DLG4: variants seen among roughly 807,000 people sequenced by gnomAD.
DLG4 encodes discs large MAGUK scaffold protein 4.
A neutral mutation model predicts 93.8 loss-of-function variants in DLG4; 7 were observed. That is an observed-to-expected ratio of 0.07 (90% CI 0.04 to 0.14). The LOEUF is 0.14. DLG4 is among the 10% of genes least tolerant of loss of function. The pLI is 1.00. For missense variants in DLG4, 545 were observed against 992.9 expected, an observed-to-expected ratio of 0.55 and a Z score of 6.06; for synonymous variants, 341 against 387.6, an observed-to-expected ratio of 0.88 and a Z score of 1.41.
chr17:7,209,866 A>G (rs1412929833), intron 1 of DLG4, among the ~76,000 whole-genome samples: 1 of 152,130 alleles, frequency 6.6e-6, no homozygotes, highest in African/African-American at 2.4e-5. Flanking sequence ...ACATGGTGAA[A>G]TCCCATCTCT....
intron 2 of DLG4, among the ~76,000 whole-genome samples, chr17:7,207,766 T>C (rs1240059458): frequency 6.7e-6 from 1 of 150,104 alleles, no homozygotes; most frequent in South Asian, 2.1e-4. Flanking sequence ...CAGGCACGCA[T>C]GCATGCACAC....
At chr17:7,216,152 C>T (rs2070904629) in intron 1 of DLG4, among the ~76,000 whole-genome samples, 1 of 151,866 alleles carries the variant, frequency 6.6e-6, no homozygotes, top group African/African-American at 2.4e-5. Flanking sequence ...GGTCATAAGC[C>T]CTCAGGGACC....
chr17:7,203,389 G>T lies in DLG4; in HGVS notation c.505+35C>A, dbSNP rs771321711. 4.4e-6 allele frequency: 7 copies of T among 1,594,664 alleles called. No individual in the cohort carries two copies. The East Asian group carries it at 1.6e-4, about 36-fold the overall frequency. Reference sequence around the variant, plus strand: ...GAAGCAGGCTTGGGGGCACAGGACAGTTGGGATGGGGGTGGGAACAAAATG... The same window carrying T: ...GAAGCAGGCTTGGGGGCACAGGACATTTGGGATGGGGGTGGGAACAAAATG... On this transcript the variant is annotated intron_variant, in intron 6 of 19. Coordinates refer to ENST00000399506, the MANE Select transcript of DLG4 (RefSeq NM_001321075.3). The surrounding 1 kb of genome is among the most constrained non-coding windows in gnomAD (Gnocchi z 7.2).
chr17:7,190,622 G>T lies in DLG4; in HGVS notation c.*86C>A. The T allele has an allele frequency of 9.4e-7, 1 of 1,063,006 alleles. No individual in the cohort carries two copies. 65.8% of individuals were successfully genotyped at this position (1,063,006 alleles called of 1,614,324 possible). A position where few individuals can be genotyped will look rare whatever the true frequency, so the allele number is the denominator to read the frequency against. The stretch of plus-strand genomic sequence containing the variant: ...AAGAAGGGGTGGGAGGGAGGCCGGG[G>T]GGAGCCAAGGGCTTGGGCAATTCAG... On this transcript the variant is annotated 3_prime_UTR_variant, in exon 20 of 20. Coordinates refer to ENST00000399506, the MANE Select transcript of DLG4 (RefSeq NM_001321075.3).
At chr17:7,207,971 T>A in intron 2 of DLG4, 74 of 683,616 alleles carry the variant, frequency 1.1e-4, no homozygotes, top group East Asian at 2.2e-4. Flanking sequence ...AGTCCCAGCA[T>A]CCCCCTCCCC....
Position 7,195,589 on chromosome 17 carries a change from C to G in DLG4, c.1301+631G>C, listed in dbSNP as rs2069732268. On this transcript the variant is annotated intron_variant, in intron 11 of 19. Coordinates refer to ENST00000399506, the MANE Select transcript of DLG4 (RefSeq NM_001321075.3). This position sits in a 1 kb window ranked among gnomAD's most constrained non-coding sequence, Gnocchi z 4.3. ...GCCAGAAAGCCAATGGCCAGAAGTG[C>G]AGGTCTTGACCTCTGGAAATAGGTC... Among the ~76,000 whole-genome samples, 1 of 152,140 alleles carries G rather than the reference C, an allele frequency of 6.6e-6. No individual in the cohort carries two copies. Among genetic ancestry groups the G allele is most frequent in the African/African-American group, 2.4e-5 (1 of 41,422 alleles).
At position 7,206,465 on chromosome 17, in the gene DLG4, C is replaced by T. The variant is rs1312801278; in HGVS notation, c.96+1709G>A. ...CTCCAACACTCTCTCCCTCCACCCC[C>T]TTCTGCTCCTGAGCTCTGATCAGCA... On this transcript the variant is annotated intron_variant, in intron 2 of 19. Coordinates refer to ENST00000399506, the MANE Select transcript of DLG4 (RefSeq NM_001321075.3). Among the ~76,000 whole-genome samples, 11 of 152,160 alleles carry T rather than the reference C, an allele frequency of 7.2e-5. No individual in the cohort carries two copies. The South Asian group carries it at 8.3e-4, about 11-fold the overall frequency.
chr17:7,207,863 C>G (rs1208908090), intron 2 of DLG4, among the ~76,000 whole-genome samples: 1 of 152,076 alleles, frequency 6.6e-6, no homozygotes, highest in African/African-American at 2.4e-5. Context: ...CTCCCATTGG[C>G]CTGGCCTGTT....
intron 2 of DLG4, chr17:7,205,087 C>A: frequency 3.0e-6 from 3 of 985,566 alleles, no homozygotes; most frequent in Non-Finnish European, 3.6e-6. Context: ...CGAGAGGAGG[C>A]CGGGCTGAAG....
chr17:7,214,476 T>G (rs1215506035), intron 1 of DLG4, among the ~76,000 whole-genome samples: 40 of 151,784 alleles, frequency 2.6e-4, no homozygotes, highest in Admixed American at 2.6e-3. Flanking sequence ...GCCCACACTG[T>G]CCCTCCGCCA....
chr17:7,204,404 C>A (rs1038588664), intron 2 of DLG4, 152 bp from the exon 3 acceptor site: 15 of 677,164 alleles, frequency 2.2e-5, no homozygotes, highest in Non-Finnish European at 3.8e-5. Context: ...CAGCCTCAAT[C>A]CACATCACAC....
chr17:7,193,702 G>A lies in DLG4; in HGVS notation c.1556C>T (p.Ser519Leu), dbSNP rs756531801. Residue 519 changes from serine to leucine, a missense_variant, in exon 15 of 20, where the codon TCG becomes TTG. Around this residue, in one of 5 missense-constraint regions of DLG4, gnomAD observed 428 missense variants for 741.4 expected, o/e 0.58. Coordinates refer to ENST00000399506, the MANE Select transcript of DLG4 (RefSeq NM_001321075.3). The surrounding 1 kb of genome is among the most constrained non-coding windows in gnomAD (Gnocchi z 6.7). ...CGTCACTGTCTCGTAGCTCAGAACC[G>A]AGTCTTCTCGACCTGGTGGGAGGTG... ...SSSGSQGRED[S>L]VLSYETVTQM... 1.8e-5 allele frequency: 29 copies of A among 1,573,446 alleles called. No individual in the cohort carries two copies. Among genetic ancestry groups the A allele is most frequent in the African/African-American group, 4.1e-5 (3 of 73,718 alleles).
At position 7,217,121 on chromosome 17, in the gene DLG4, G is replaced by A. The variant is rs1051981436; in HGVS notation, c.27C>T (p.Thr9=). 2 of 1,292,662 alleles carry A rather than the reference G, an allele frequency of 1.5e-6. No individual in the cohort carries two copies. The highest frequency in any genetic ancestry group is 6.1e-5 in the East Asian group (2 of 32,558). The allele number at this position is 1,292,662 out of a possible 1,614,324, so 80.1% of individuals were successfully genotyped here. ...ATAGCCCCCCCATCATGCTTACCTT[G>A]GTTGTCACTATACAGAGACAGTCCA... MDCLCIVT[T]KKYRYQDEDT... Residue 9 remains threonine, a synonymous_variant, in exon 1 of 20, where the codon ACC becomes ACT. Transcript: ENST00000399506.
chr17:7,211,146 A>C, intron 1 of DLG4, among the ~76,000 whole-genome samples: 1 of 115,024 alleles, frequency 8.7e-6, no homozygotes, highest in Non-Finnish European at 1.8e-5. Flanking sequence ...GGGGCGGGGG[A>C]GAGTAATTCT....
chr17:7,215,710 C>G (rs1243898196), intron 1 of DLG4, among the ~76,000 whole-genome samples: 1 of 152,186 alleles, frequency 6.6e-6, no homozygotes, highest in African/African-American at 2.4e-5. Context: ...AGCCCCCAAT[C>G]TCTTCCAACC....
intron 2 of DLG4, among the ~76,000 whole-genome samples, chr17:7,207,479 G>A (rs2070520148): frequency 6.6e-6 from 1 of 152,114 alleles, no homozygotes; most frequent in Non-Finnish European, 1.5e-5. Context: ...CCAGACAGAT[G>A]GAAAGAGCTG....
chr17:7,218,594 C>G (rs868394742), upstream of DLG4: 1 of 1,566,762 alleles, frequency 6.4e-7, no homozygotes, highest in Non-Finnish European at 8.7e-7. Context: ...TGGGGGTGCC[C>G]ACCGCAGCAG....
chr17:7,218,942 C>A, upstream of DLG4: 1 of 1,386,172 alleles, frequency 7.2e-7, no homozygotes. Flanking sequence ...TAAAGTAGGC[C>A]GTCTCTGAGC....
At chr17:7,206,776 T>C (rs748787744) in intron 2 of DLG4, among the ~76,000 whole-genome samples, 2 of 152,064 alleles carry the variant, frequency 1.3e-5, no homozygotes, top group Non-Finnish European at 2.9e-5. Flanking sequence ...TTGCCAGTTC[T>C]AACTCCAGAA....
Sources: allele counts gnomAD v4.1 joint callset (sites outside exome capture counted in the v4.1 genomes callset), GRCh38; gene constraint gnomAD v4.1.1; regional missense constraint gnomAD v4.1.1; non-coding constraint Gnocchi (gnomAD v3.1); transcripts MANE v1.5; gene names NCBI Gene and HGNC (gene_info 2026-07-23, HGNC 2026-07-21).